CDH13: variants seen among roughly 807,000 people sequenced by gnomAD.
CDH13 encodes cadherin 13.
CDH13 carries 24 observed loss-of-function variants against 63.8 expected under a neutral mutation model. The observed-to-expected ratio is 0.38, with a 90% confidence interval of 0.27 to 0.53. The LOEUF is 0.53. Ranked by LOEUF, CDH13 falls within the 20% of genes least tolerant of loss-of-function variation. CDH13 has a pLI of 0.85. For synonymous variants in CDH13, 503 were observed against 355.3 expected (o/e 1.42, Z -4.67); for missense variants, 1,049 against 903.1 (o/e 1.16, Z -2.07).
chr16:83,142,646 T>C (rs937759191), intron 4 of CDH13, among the ~76,000 whole-genome samples: 21 of 152,210 alleles, frequency 1.4e-4, no homozygotes, highest in African/African-American at 4.6e-4. Context: ...GTTCAATTGA[T>C]TATGCAGCAA....
chr16:83,215,054 CAG>C (rs2039455329), intron 4 of CDH13, among the ~76,000 whole-genome samples: 2 of 123,186 alleles, frequency 1.6e-5, no homozygotes, highest in Non-Finnish European at 3.3e-5. Flanking sequence ...TTATTTTCAT[CAG>C]AGAGTATCAA....
At chr16:82,857,920 G>C (rs983513646) in intron 1 of CDH13, among the ~76,000 whole-genome samples, 6 of 152,190 alleles carry the variant, frequency 3.9e-5, no homozygotes, top group Non-Finnish European at 4.4e-5. Flanking sequence ...GGCTTAACAG[G>C]TCCTGGATTC....
intron 12 of CDH13, among the ~76,000 whole-genome samples, chr16:83,781,961 T>G (rs1454793346): frequency 6.6e-6 from 1 of 151,980 alleles, no homozygotes. Context: ...AAAAAGATTG[T>G]ATCCTCTACT....
intron 1 of CDH13, among the ~76,000 whole-genome samples, chr16:82,781,208 G>A (rs916230073): frequency 2.6e-5 from 4 of 152,194 alleles, no homozygotes. Context: ...ATTATTGCCA[G>A]GGCAAGGCTG....
At chr16:82,681,158 C>A (rs942639414) in intron 1 of CDH13, among the ~76,000 whole-genome samples, 1 of 152,176 alleles carries the variant, frequency 6.6e-6, no homozygotes, top group South Asian at 2.1e-4. Flanking sequence ...AATGCATCCA[C>A]GTGATAAAAT....
At chr16:83,561,184 C>T (rs1224310773) in intron 7 of CDH13, among the ~76,000 whole-genome samples, 1 of 151,982 alleles carries the variant, frequency 6.6e-6, no homozygotes, top group Non-Finnish European at 1.5e-5. Context: ...CAGTGGCTCA[C>T]ACATATAATC....
At chr16:83,065,037 C>G (rs1170027683) in intron 3 of CDH13, among the ~76,000 whole-genome samples, 1 of 152,020 alleles carries the variant, frequency 6.6e-6, no homozygotes, top group Non-Finnish European at 1.5e-5. Context: ...CCCAGGTAAT[C>G]ACCATCCTAC....
rs1242414107 is a variant in CDH13, at chr16:83,391,935, C to T, written c.781+46929C>T. Among the ~76,000 whole-genome samples the T allele has an allele frequency of 2.6e-5, 4 of 152,014 alleles. No homozygotes were observed. In the East Asian group the frequency reaches 7.7e-4, roughly 29 times the overall value. On this transcript the variant is annotated intron_variant, in intron 6 of 13. Transcript: ENST00000567109. Reference sequence around the variant, plus strand: ...AGATAAACAAGATTTTTTTTCTCCCCCACCCAAAGACTGTTTATCAGGGTC... The same window carrying T: ...AGATAAACAAGATTTTTTTTCTCCCTCACCCAAAGACTGTTTATCAGGGTC...
rs565446899 is a variant in CDH13 at position 82,949,058 on chromosome 16, A to T, written c.158-82952A>T. 1.1e-4 allele frequency among the ~76,000 whole-genome samples: 17 copies of T among 152,230 alleles called. 1 individual carries two copies. In the South Asian group the frequency reaches 2.1e-3, roughly 19 times the overall value. On this transcript the variant is annotated intron_variant, in intron 2 of 13. Transcript: ENST00000567109. ...ATTACCCTGTGTAAACCTCCTTATG[A>T]CCCAAAGAGATATTTTGAATGAGGG...
chr16:83,444,020 G>A (rs1555549932), intron 6 of CDH13, among the ~76,000 whole-genome samples: 2 of 150,822 alleles, frequency 1.3e-5, no homozygotes, highest in Admixed American at 6.6e-5. Context: ...TGGTGAAGGT[G>A]ATGGCGATGA....
At chr16:82,691,877 C>T (rs867894742) in intron 1 of CDH13, among the ~76,000 whole-genome samples, 1 of 152,112 alleles carries the variant, frequency 6.6e-6, no homozygotes, top group Non-Finnish European at 1.5e-5. Context: ...AATGCAAACC[C>T]TCAGGCTTTA....
At chr16:83,688,798 A>T (rs1159693809) in intron 10 of CDH13, among the ~76,000 whole-genome samples, 2 of 152,224 alleles carry the variant, frequency 1.3e-5, no homozygotes, top group African/African-American at 4.8e-5. Context: ...TTAATTATTT[A>T]TGCAAATATA....
chr16:83,629,926 C>A (rs954954926), intron 8 of CDH13, among the ~76,000 whole-genome samples: 2 of 152,226 alleles, frequency 1.3e-5, no homozygotes, highest in Non-Finnish European at 2.9e-5. Context: ...CAGTCTAGAA[C>A]CATCACACTT....
intron 10 of CDH13, among the ~76,000 whole-genome samples, chr16:83,719,743 A>G (rs1909432662): frequency 6.6e-6 from 1 of 152,154 alleles, no homozygotes; most frequent in African/African-American, 2.4e-5. Context: ...AGATACCATT[A>G]TACCAGATGC....
intron 5 of CDH13, among the ~76,000 whole-genome samples, chr16:83,291,161 G>C (rs538923629): frequency 1.3e-5 from 2 of 152,090 alleles, no homozygotes; most frequent in African/African-American, 4.8e-5. Context: ...TATAGTGATC[G>C]GCTGTTCTCA....
chr16:82,720,568 G>T (rs953842790), intron 1 of CDH13, among the ~76,000 whole-genome samples: 4 of 151,956 alleles, frequency 2.6e-5, no homozygotes, highest in Non-Finnish European at 5.9e-5. Context: ...CACTTCACAT[G>T]CACAACTTTG....
At position 83,447,371 on chromosome 16, in the gene CDH13, C is replaced by T. The variant is rs200834088; in HGVS notation, c.782-39106C>T. 1.6e-4 allele frequency among the ~76,000 whole-genome samples: 25 copies of T among 151,810 alleles called. No individual in the cohort carries two copies. In the East Asian group the frequency reaches 3.9e-3, roughly 24 times the overall value. ...CAGATGTTGCAGCGAGCTGAGATCA[C>T]GCCACTGCACTCCAGCCTGGGCTAC... On this transcript the variant is annotated intron_variant, in intron 6 of 13. Coordinates refer to ENST00000567109, the MANE Select transcript of CDH13 (RefSeq NM_001257.5).
intron 5 of CDH13, among the ~76,000 whole-genome samples, chr16:83,237,412 C>T (rs1904275098): frequency 6.6e-6 from 1 of 152,180 alleles, no homozygotes; most frequent in Non-Finnish European, 1.5e-5. Context: ...AGGAGTAGAC[C>T]AACACTGTGT....
At chr16:82,911,115 G>A (rs1273609179) in intron 2 of CDH13, among the ~76,000 whole-genome samples, 1 of 152,204 alleles carries the variant, frequency 6.6e-6, no homozygotes, top group African/African-American at 2.4e-5. Context: ...GGAAGCATAA[G>A]AAGGTCAGAA....
Sources: gnomAD v4.1 joint callset for allele counts (sites outside exome capture counted in the v4.1 genomes callset) on GRCh38, gnomAD v4.1.1 for gene constraint, MANE v1.5 for transcripts, NCBI Gene and HGNC (gene_info 2026-07-23, HGNC 2026-07-21) for gene names.